The following B3GAT2 variants were observed in gnomAD, a reference collection of about 807,000 sequenced individuals.
The protein encoded by B3GAT2 is beta-1,3-glucuronyltransferase 2.
In B3GAT2, 26 loss-of-function variants were observed where a neutral mutation model predicts 27.8. That is an observed-to-expected ratio of 0.93 (90% CI 0.68 to 1.30). The LOEUF is 1.30. Among genes scored for constraint, B3GAT2 ranks in the 50% most tolerant of loss-of-function variants. The pLI is 0.00. For missense variants in B3GAT2, 458 were observed against 459.0 expected, an observed-to-expected ratio of 1.00 and a Z score of 0.02; for synonymous variants, 218 against 195.1, an observed-to-expected ratio of 1.12 and a Z score of -0.98.
chr6:70,882,261 G>T (rs996362432), intron 2 of B3GAT2, among the ~76,000 whole-genome samples: 1 of 152,138 alleles, frequency 6.6e-6, no homozygotes, highest in Non-Finnish European at 1.5e-5. Flanking sequence ...CAGCACTTTG[G>T]GAGGTTAAGG....
chr6:70,908,157 C>T (rs541776274), intron 1 of B3GAT2, among the ~76,000 whole-genome samples: 20 of 152,284 alleles, frequency 1.3e-4, no homozygotes, highest in Non-Finnish European at 2.2e-4. Context: ...CATGATTTTA[C>T]GTAAATAAAC....
intron 1 of B3GAT2, among the ~76,000 whole-genome samples, chr6:70,919,846 A>G (rs971749748): frequency 6.6e-6 from 1 of 152,184 alleles, no homozygotes; most frequent in Admixed American, 6.5e-5. Context: ...ATCAGGCTAC[A>G]CAGGGGTCAG....
chr6:70,922,581 T>C (rs1226346824), intron 1 of B3GAT2, among the ~76,000 whole-genome samples: 1 of 152,092 alleles, frequency 6.6e-6, no homozygotes, highest in Non-Finnish European at 1.5e-5. Flanking sequence ...TTAGTAAAAT[T>C]ATTTTTAAAA....
intron 1 of B3GAT2, 31 bp downstream of exon 1, chr6:70,955,808 C>A (rs1389094582): frequency 1.3e-6 from 2 of 1,545,712 alleles, no homozygotes; most frequent in Non-Finnish European, 8.7e-7. Context: ...CTCCCGCCCT[C>A]GCCCACCCAG....
At chr6:70,933,691 T>C (rs748892624) in intron 1 of B3GAT2, among the ~76,000 whole-genome samples, 6 of 152,192 alleles carry the variant, frequency 3.9e-5, no homozygotes, top group African/African-American at 1.2e-4. Context: ...CGTCCATATA[T>C]GGACCATACG....
At chr6:70,950,300 A>T (rs908656910) in intron 1 of B3GAT2, among the ~76,000 whole-genome samples, 4 of 147,324 alleles carry the variant, frequency 2.7e-5, no homozygotes, top group East Asian at 4.3e-4. Context: ...AAAAAAAAAA[A>T]TTTTATTTTT....
chr6:70,938,311 G>A (rs1421717519), intron 1 of B3GAT2, among the ~76,000 whole-genome samples: 9 of 135,764 alleles, frequency 6.6e-5, no homozygotes, highest in South Asian at 2.4e-4. Flanking sequence ...TCAATATTGT[G>A]AAAATGGCCA....
At chr6:70,901,791 C>A (rs1025986330) in intron 1 of B3GAT2, among the ~76,000 whole-genome samples, 2 of 152,090 alleles carry the variant, frequency 1.3e-5, no homozygotes, top group African/African-American at 4.8e-5. Context: ...AAAAACAGAT[C>A]AAATGGGCCA....
chr6:70,910,075 G>A (rs565645407), intron 1 of B3GAT2, among the ~76,000 whole-genome samples: 48 of 152,014 alleles, frequency 3.2e-4, no homozygotes, highest in Non-Finnish European at 4.1e-4. Context: ...GGGTTTCACC[G>A]TGTTGGCCAG....
intron 2 of B3GAT2, among the ~76,000 whole-genome samples, chr6:70,866,787 T>C (rs1771858256): frequency 6.6e-6 from 1 of 152,120 alleles, no homozygotes; most frequent in African/African-American, 2.4e-5. Flanking sequence ...AGGAAAGATA[T>C]GTAAGACTTA....
intron 2 of B3GAT2, among the ~76,000 whole-genome samples, chr6:70,878,614 CTT>C (rs1259367128): frequency 1.3e-5 from 2 of 148,714 alleles, no homozygotes; most frequent in African/African-American, 4.9e-5. Flanking sequence ...TTTTTTCACA[CTT>C]AGTGTGGTTA....
At chr6:70,885,179 G>A (rs1223713323) in intron 2 of B3GAT2, among the ~76,000 whole-genome samples, 2 of 152,148 alleles carry the variant, frequency 1.3e-5, no homozygotes, top group Admixed American at 6.5e-5. Context: ...GCCCCCTTGT[G>A]ACTTGATTAG....
chr6:70,856,911 A>T lies in B3GAT2; in HGVS notation c.*4752T>A. ...ACCCTGTCTACAGTAACATCTGGGG[A>T]TCTAGATTTATTCACTGAGCAAACT... On this transcript the variant is annotated 3_prime_UTR_variant, in exon 4 of 4. Transcript: ENST00000230053. 1.2e-6 allele frequency: 2 copies of T among 1,613,950 alleles called. No individual in the cohort carries two copies. The highest frequency in any genetic ancestry group is 1.7e-4 in the Middle Eastern group (1 of 6,060).
chr6:70,858,485 G>A lies in B3GAT2; in HGVS notation c.*3178C>T. The A allele has an allele frequency of 3.1e-6, 1 of 321,348 alleles. No individual in the cohort carries two copies. The highest frequency in any genetic ancestry group is 4.7e-5 in the South Asian group (1 of 21,136). The allele number at this position is 321,348 out of a possible 1,614,324, so 19.9% of individuals were successfully genotyped here. A position where few individuals can be genotyped will look rare whatever the true frequency, so the allele number is the denominator to read the frequency against. ...AACATCTTTCATTTCAAATTGTAAT[G>A]TAACTGTAACGTGAACACCACTAAT... On this transcript the variant is annotated 3_prime_UTR_variant, in exon 4 of 4. Coordinates refer to ENST00000230053, the MANE Select transcript of B3GAT2 (RefSeq NM_080742.3).
In B3GAT2 at chr6:70,947,265, A is replaced by G. The variant is rs1006590783; in HGVS notation, c.591+8574T>C. Among the ~76,000 whole-genome samples the G allele has an allele frequency of 4.6e-4, 70 of 152,036 alleles. No individual in the cohort carries two copies. The East Asian group carries it at 0.011, about 25-fold the overall frequency. On this transcript the variant is annotated intron_variant, in intron 1 of 3. Coordinates refer to ENST00000230053, the MANE Select transcript of B3GAT2 (RefSeq NM_080742.3). ...ACTGAAGGAAATAGAGACACAAAAA[A>G]CCCTTCAAAAAATTAATGAATCCAG...
intron 1 of B3GAT2, among the ~76,000 whole-genome samples, chr6:70,918,889 C>T (rs1423547351): frequency 2.0e-5 from 3 of 152,010 alleles, no homozygotes; most frequent in Admixed American, 2.0e-4. Flanking sequence ...TTGCTCTTCT[C>T]GAGGAGTATC....
intron 1 of B3GAT2, among the ~76,000 whole-genome samples, chr6:70,945,050 A>T (rs1051955869): frequency 7.2e-5 from 11 of 152,324 alleles, no homozygotes; most frequent in African/African-American, 2.6e-4. Context: ...CAGAAAGGAC[A>T]TCTACACCAA....
chr6:70,940,236 G>A (rs1438720778), intron 1 of B3GAT2, among the ~76,000 whole-genome samples: 2 of 152,124 alleles, frequency 1.3e-5, no homozygotes, highest in Non-Finnish European at 2.9e-5. Flanking sequence ...GCTTTAGAAT[G>A]TTTTTATTAA....
chr6:70,862,081 A>C, intron 2 of B3GAT2, 103 bp from the exon 3 acceptor site: 1 of 1,056,024 alleles, frequency 9.5e-7, no homozygotes, highest in Non-Finnish European at 1.3e-6. Context: ...TAAAATACCT[A>C]CTGTGTGTCA....
Sources: gnomAD v4.1 joint callset for allele counts (sites outside exome capture counted in the v4.1 genomes callset) on GRCh38, gnomAD v4.1.1 for gene constraint, MANE v1.5 for transcripts, NCBI Gene and HGNC (gene_info 2026-07-23, HGNC 2026-07-21) for gene names.